Variants in SNAP25 observed in about 807,000 individuals in gnomAD.
SNAP25 encodes synaptosome associated protein 25.
A neutral mutation model predicts 28.7 loss-of-function variants in SNAP25; 3 were observed. The observed-to-expected ratio is 0.10, with a 90% CI of 0.05 to 0.27. The LOEUF (loss-of-function observed/expected upper bound fraction) is 0.27, where lower values mean the gene tolerates loss of function less well. SNAP25 is among the 10% of genes least tolerant of loss of function. The pLI is 1.00. For missense variants in SNAP25, 117 were observed against 278.7 expected, an observed-to-expected ratio of 0.42 and a Z score of 4.13; for synonymous variants, 61 against 88.1, an observed-to-expected ratio of 0.69 and a Z score of 1.72.
intron 1 of SNAP25, among the ~76,000 whole-genome samples, chr20:10,241,441 G>A (rs1180195979): frequency 1.3e-5 from 2 of 152,102 alleles, no homozygotes; most frequent in Non-Finnish European, 2.9e-5. Context: ...TGGGCACTGA[G>A]TAAACAGGGG....
Position 10,270,035 on chromosome 20 carries a change from C to T in SNAP25, c.-63-5394C>T, listed in dbSNP as rs184048046. On this transcript the variant is annotated intron_variant, in intron 1 of 7. Transcript: ENST00000254976. ...TTGGGAGGCCGAGGCGGGCGGATCACCTGAGGTCAGGAGTTCGAAACCAGC... is the reference window on the plus strand; with the variant it reads ...TTGGGAGGCCGAGGCGGGCGGATCATCTGAGGTCAGGAGTTCGAAACCAGC... Among the ~76,000 whole-genome samples, 943 of 152,214 alleles carry T rather than the reference C, an allele frequency of 6.2e-3. 7 individuals carry two copies. Among genetic ancestry groups the T allele is most frequent in the Non-Finnish European group, 0.01 (688 of 68,016 alleles).
intron 3 of SNAP25, 132 bp downstream of exon 3, chr20:10,277,858 A>G: frequency 1.2e-6 from 1 of 821,358 alleles, no homozygotes; most frequent in South Asian, 1.6e-5. Flanking sequence ...TCAGAAAGGC[A>G]CAGAATGAGG....
At chr20:10,242,357 T>C (rs2063050082) in intron 1 of SNAP25, among the ~76,000 whole-genome samples, 1 of 152,168 alleles carries the variant, frequency 6.6e-6, no homozygotes, top group Non-Finnish European at 1.5e-5. Context: ...TTGGTAGCCC[T>C]GAACTGGTCA....
At chr20:10,240,429 GCT>G (rs2063005980) in intron 1 of SNAP25, among the ~76,000 whole-genome samples, 2 of 152,158 alleles carry the variant, frequency 1.3e-5, no homozygotes, top group African/African-American at 4.8e-5. Flanking sequence ...TAATATCATA[GCT>G]AATCACAGAA....
At chr20:10,266,107 A>C (rs2063502342) in intron 1 of SNAP25, among the ~76,000 whole-genome samples, 1 of 152,210 alleles carries the variant, frequency 6.6e-6, no homozygotes, top group Non-Finnish European at 1.5e-5. Flanking sequence ...GAATGTTAGA[A>C]TAGATGCAGC....
chr20:10,237,608 A>G (rs1195480336), intron 1 of SNAP25, among the ~76,000 whole-genome samples: 1 of 152,196 alleles, frequency 6.6e-6, no homozygotes, highest in Admixed American at 6.5e-5. Context: ...CCTAGTGGGT[A>G]CCATTCATTC....
At chr20:10,272,783 T>C (rs1600727572) in intron 1 of SNAP25, among the ~76,000 whole-genome samples, 1 of 152,120 alleles carries the variant, frequency 6.6e-6, no homozygotes, top group East Asian at 1.9e-4. Context: ...CCATTATTTG[T>C]TTAATGCCAG....
intron 1 of SNAP25, among the ~76,000 whole-genome samples, chr20:10,235,792 G>C (rs2062907556): frequency 6.6e-6 from 1 of 152,186 alleles, no homozygotes; most frequent in African/African-American, 2.4e-5. Flanking sequence ...TCAGGGGCTG[G>C]ACCACATGTC....
chr20:10,289,641 G>A (rs1343917009), intron 4 of SNAP25, among the ~76,000 whole-genome samples: 2 of 149,744 alleles, frequency 1.3e-5, no homozygotes, highest in Admixed American at 6.7e-5. Context: ...ATTTCTATAT[G>A]TTCATAAATG....
chr20:10,240,409 TACGTTTCCCTAATATCA>T (rs2063005250), intron 1 of SNAP25, among the ~76,000 whole-genome samples: 2 of 152,238 alleles, frequency 1.3e-5, no homozygotes, highest in African/African-American at 4.8e-5. Context: ...AGGATCCATT[TACGTTTCCCTAATATCA>T]TAGCTAATCA....
chr20:10,288,529 C>A (rs2063929569), intron 4 of SNAP25, among the ~76,000 whole-genome samples: 2 of 152,144 alleles, frequency 1.3e-5, no homozygotes, highest in Admixed American at 1.3e-4. Context: ...CAAATTATCT[C>A]CAGAATCACC....
intron 1 of SNAP25, among the ~76,000 whole-genome samples, chr20:10,251,180 C>T (rs1391126926): frequency 6.6e-6 from 1 of 152,204 alleles, no homozygotes; most frequent in African/African-American, 2.4e-5. Context: ...GGCACTCAGA[C>T]TAAAAGGATG....
At chr20:10,289,543 G>A (rs948816583) in intron 4 of SNAP25, among the ~76,000 whole-genome samples, 1 of 151,520 alleles carries the variant, frequency 6.6e-6, no homozygotes, top group Non-Finnish European at 1.5e-5. Context: ...CATCTCTCTA[G>A]CTAAAGTCCA....
intron 3 of SNAP25, among the ~76,000 whole-genome samples, chr20:10,279,009 C>T (rs983351858): frequency 1.3e-5 from 2 of 152,134 alleles, no homozygotes; most frequent in South Asian, 2.1e-4. Flanking sequence ...GTGGCACAAA[C>T]GGGACACACC....
At chr20:10,290,137 T>A (rs1350425568) in intron 4 of SNAP25, among the ~76,000 whole-genome samples, 1 of 152,160 alleles carries the variant, frequency 6.6e-6, no homozygotes, top group Non-Finnish European at 1.5e-5. Flanking sequence ...AATGAGATGC[T>A]TATAAGCATT....
chr20:10,246,503 C>T (rs2063131509), intron 1 of SNAP25, among the ~76,000 whole-genome samples: 1 of 152,168 alleles, frequency 6.6e-6, no homozygotes, highest in African/African-American at 2.4e-5. Context: ...ACCACCCTGA[C>T]AGTGGCAGGG....
intron 1 of SNAP25, among the ~76,000 whole-genome samples, chr20:10,241,803 G>T (rs2063038905): frequency 6.6e-6 from 1 of 152,168 alleles, no homozygotes; most frequent in Admixed American, 6.5e-5. Context: ...TTAGGAGGGA[G>T]CCAGGTTAGC....
intron 3 of SNAP25, among the ~76,000 whole-genome samples, chr20:10,281,546 T>C (rs1478449734): frequency 6.6e-6 from 1 of 152,190 alleles, no homozygotes; most frequent in Non-Finnish European, 1.5e-5. Flanking sequence ...TGATCTCTGT[T>C]TTACTGTAGA....
intron 4 of SNAP25, 21 bp downstream of exon 4, chr20:10,284,793 T>A: frequency 6.3e-7 from 1 of 1,588,876 alleles, no homozygotes; most frequent in Non-Finnish European, 8.6e-7. Flanking sequence ...ATTTCTTCAG[T>A]AAGAACAATT....
Sources: allele counts gnomAD v4.1 joint callset (sites outside exome capture counted in the v4.1 genomes callset), GRCh38; gene constraint gnomAD v4.1.1; transcripts MANE v1.5; gene names NCBI Gene and HGNC (gene_info 2026-07-23, HGNC 2026-07-21).